ZNF652: variants seen among roughly 807,000 people sequenced by gnomAD.
ZNF652 encodes the protein zinc finger protein 652.
In ZNF652, 16 loss-of-function variants were observed where a neutral mutation model predicts 45.2. That is an observed-to-expected ratio of 0.35 (90% CI 0.24 to 0.54). ZNF652 has a LOEUF of 0.54. Among genes scored for constraint, ZNF652 ranks in the 20% least tolerant of loss-of-function variants. The pLI is 0.91. For synonymous variants in ZNF652, 250 were observed against 260.6 expected (o/e 0.96, Z 0.39); for missense variants, 614 against 765.6 (o/e 0.80, Z 2.34).
At chr17:49,339,271 C>T (rs1289757993) in intron 1 of ZNF652, among the ~76,000 whole-genome samples, 16 of 133,068 alleles carry the variant, frequency 1.2e-4, no homozygotes, top group African/African-American at 4.3e-4. Context: ...GGCATGATCT[C>T]GGCTCACTGC....
chr17:49,298,715 G>T lies in ZNF652; in HGVS notation c.1519C>A (p.Pro507Thr), dbSNP rs574166134. The T allele has an allele frequency of 6.2e-7, 1 of 1,614,090 alleles. No individual in the cohort carries two copies. Among genetic ancestry groups the T allele is most frequent in the African/African-American group, 1.3e-5 (1 of 75,022 alleles). Reference sequence around the variant, plus strand: ...GGGGTGGCTGGGGAAGTTGTAAGTGGGATCTGGACAGCAGGTGGCACATTC... The same window carrying T: ...GGGGTGGCTGGGGAAGTTGTAAGTGTGATCTGGACAGCAGGTGGCACATTC... Reference protein sequence around the residue: ...PVNVPPAVQIPLTTSPATPVP... With the variant: ...PVNVPPAVQITLTTSPATPVP... The change falls in exon 6 of 6, where the codon CCA (proline) becomes ACA (threonine). Residue 507 changes from proline (P) to threonine (T), a missense_variant. Around this residue, in one of 5 missense-constraint regions of ZNF652, gnomAD observed 132 missense variants for 137.2 expected, o/e 0.96. Coordinates refer to ENST00000430262, the MANE Select transcript of ZNF652 (RefSeq NM_001145365.3).
At chr17:49,325,656 A>G (rs2069948670) in intron 1 of ZNF652, among the ~76,000 whole-genome samples, 1 of 119,810 alleles carries the variant, frequency 8.3e-6, no homozygotes, top group Non-Finnish European at 1.9e-5. Context: ...CGTCTCTACA[A>G]AAAAAAAAAA....
At chr17:49,320,256 T>C (rs1048164068) in intron 1 of ZNF652, among the ~76,000 whole-genome samples, 3 of 152,244 alleles carry the variant, frequency 2.0e-5, no homozygotes, top group Admixed American at 6.5e-5. Flanking sequence ...CCATTTCCTT[T>C]TTCCTTGTGA....
rs1234314231 is a variant in ZNF652 at position 49,316,813 on chromosome 17, T to C, written c.900+13A>G. The C allele has an allele frequency of 6.3e-7, 1 of 1,595,704 alleles. No individual in the cohort carries two copies. The highest frequency in any genetic ancestry group is 1.8e-5 in the Admixed American group (1 of 57,116). ...TATCCTGAAAAGTTTTCCCTCTCGGTGATGAAACCTACCTGAATGTTTTTT... is the reference window on the plus strand; with the variant it reads ...TATCCTGAAAAGTTTTCCCTCTCGGCGATGAAACCTACCTGAATGTTTTTT... On this transcript the variant is annotated intron_variant, in intron 2 of 5. Coordinates refer to ENST00000430262, the MANE Select transcript of ZNF652 (RefSeq NM_001145365.3).
At chr17:49,333,927 G>A (rs1025332754) in intron 1 of ZNF652, among the ~76,000 whole-genome samples, 2 of 151,762 alleles carry the variant, frequency 1.3e-5, no homozygotes, top group African/African-American at 2.4e-5. Flanking sequence ...ATATGTTACT[G>A]GTAGGAATAT....
intron 1 of ZNF652, among the ~76,000 whole-genome samples, chr17:49,348,504 GAAAA>G (rs2070233818): frequency 7.8e-6 from 1 of 129,024 alleles, no homozygotes; most frequent in Non-Finnish European, 1.8e-5. Flanking sequence ...GAAAAGAAAA[GAAAA>G]GAAAAGAAAA....
chr17:49,313,973 CAAAAAAAAAAAAAAAAAAAAAAA>C (rs71144595), intron 2 of ZNF652, among the ~76,000 whole-genome samples: 235 of 22,872 alleles, frequency 0.01, no homozygotes, highest in South Asian at 0.069. Context: ...AACTCCATCT[CAAAAAAAAAAAAAAAAAAAAAAA>C]AAAAAAAAAA....
chr17:49,333,545 TAAAAAAAAAA>T (rs1182199037), intron 1 of ZNF652, among the ~76,000 whole-genome samples: 1 of 48,114 alleles, frequency 2.1e-5, no homozygotes, highest in Non-Finnish European at 3.7e-5. Context: ...CTGTCTCTAC[TAAAAAAAAAA>T]AAAAAAAAAA....
intron 2 of ZNF652, among the ~76,000 whole-genome samples, chr17:49,315,192 C>A (rs2069784424): frequency 6.6e-6 from 1 of 151,962 alleles, no homozygotes; most frequent in Admixed American, 6.6e-5. Flanking sequence ...CAGGCATGTG[C>A]CACCACACCT....
intron 1 of ZNF652, among the ~76,000 whole-genome samples, chr17:49,344,786 G>A (rs1485460632): frequency 6.6e-6 from 1 of 152,132 alleles, no homozygotes; most frequent in Admixed American, 6.5e-5. Context: ...CTCCCAAAGT[G>A]CTTGGATTAC....
At chr17:49,337,649 G>A (rs898708638) in intron 1 of ZNF652, among the ~76,000 whole-genome samples, 4 of 152,052 alleles carry the variant, frequency 2.6e-5, no homozygotes, top group Non-Finnish European at 5.9e-5. Flanking sequence ...CTCAAACAAG[G>A]GATTTATTTA....
intron 1 of ZNF652, among the ~76,000 whole-genome samples, chr17:49,330,329 G>A (rs941690999): frequency 2.6e-5 from 4 of 152,110 alleles, no homozygotes; most frequent in African/African-American, 9.7e-5. Flanking sequence ...GTCTCACTCT[G>A]CCACCCAGGC....
intron 1 of ZNF652, among the ~76,000 whole-genome samples, chr17:49,353,200 A>G (rs2070300805): frequency 6.6e-6 from 1 of 152,022 alleles, no homozygotes; most frequent in Non-Finnish European, 1.5e-5. Context: ...TTTTTTCTGG[A>G]GGGGCAGGGT....
chr17:49,312,368 G>A (rs1050186085), intron 3 of ZNF652, among the ~76,000 whole-genome samples: 2 of 151,830 alleles, frequency 1.3e-5, no homozygotes, highest in African/African-American at 2.4e-5. Flanking sequence ...GTTTCGCCAC[G>A]TTTGCCAGGC....
intron 5 of ZNF652, among the ~76,000 whole-genome samples, chr17:49,299,554 T>C (rs1368863794): frequency 6.6e-6 from 1 of 151,926 alleles, no homozygotes; most frequent in African/African-American, 2.4e-5. Context: ...CTAATTTTTG[T>C]ATTTTTAGTA....
intron 1 of ZNF652, among the ~76,000 whole-genome samples, chr17:49,352,101 T>C (rs1270136208): frequency 2.0e-5 from 3 of 152,208 alleles, no homozygotes; most frequent in African/African-American, 4.8e-5. Flanking sequence ...CTTACAGATA[T>C]AACATACACC....
chr17:49,293,120 T>C lies in ZNF652; in HGVS notation c.*5293A>G, dbSNP rs1363167972. On this transcript the variant is annotated 3_prime_UTR_variant, in exon 6 of 6. Transcript: ENST00000430262. ...CTCCAGGAACCTGTGACCATACATA[T>C]ATTATTGAGTAATACATAGAGTAAC... Among the ~76,000 whole-genome samples, 2 of 152,296 alleles carry C rather than the reference T, an allele frequency of 1.3e-5. No individual in the cohort carries two copies. Among genetic ancestry groups the C allele is most frequent in the East Asian group, 3.9e-4 (2 of 5,184 alleles).
intron 1 of ZNF652, among the ~76,000 whole-genome samples, chr17:49,328,899 T>C (rs962782175): frequency 1.3e-5 from 2 of 152,344 alleles, no homozygotes; most frequent in African/African-American, 2.4e-5. Context: ...GAACAAGTGT[T>C]TGAATTCTGC....
chr17:49,349,068 A>G (rs770790171), intron 1 of ZNF652, among the ~76,000 whole-genome samples: 3 of 152,232 alleles, frequency 2.0e-5, no homozygotes, highest in Non-Finnish European at 4.4e-5. Flanking sequence ...TTAAAAATCC[A>G]TATCTACTTC....
Sources: allele counts gnomAD v4.1 joint callset (sites outside exome capture counted in the v4.1 genomes callset), GRCh38; gene constraint gnomAD v4.1.1; regional missense constraint gnomAD v4.1.1; transcripts MANE v1.5; gene names NCBI Gene and HGNC (gene_info 2026-07-23, HGNC 2026-07-21).